The following SIPA1L1 variants were observed in gnomAD, a reference collection of about 807,000 sequenced individuals.
SIPA1L1 encodes signal-induced proliferation-associated 1-like protein 1.
In SIPA1L1, 26 loss-of-function variants were observed where a neutral mutation model predicts 162.7. The observed-to-expected ratio is 0.16, with a 90% CI of 0.12 to 0.22. SIPA1L1 has a LOEUF of 0.22. SIPA1L1 is among the 10% of genes least tolerant of loss of function. SIPA1L1 has a pLI of 1.00. For synonymous variants in SIPA1L1, 829 were observed against 837.4 expected, an observed-to-expected ratio of 0.99 and a Z score of 0.17; for missense variants, 1,874 against 2,241.0, an observed-to-expected ratio of 0.84 and a Z score of 3.31.
At chr14:71,602,900 C>G (rs974792447) in intron 5 of SIPA1L1, among the ~76,000 whole-genome samples, 5 of 152,248 alleles carry the variant, frequency 3.3e-5, no homozygotes, top group African/African-American at 1.2e-4. Context: ...CTGTCCCCAC[C>G]ATCCATGGAA....
In SIPA1L1 at chr14:71,587,954, A is replaced by G; in HGVS notation, c.82A>G (p.Lys28Glu). Reference protein sequence around the residue: ...ASVVGTDGTPKVHTDDFYMRR... With the variant: ...ASVVGTDGTPEVHTDDFYMRR... ...TGTTGTTGGCACAGACGGCACCCCC[A>G]AAGTCCACACTGATGATTTCTACAT... The change falls in exon 5 of 24, where the codon AAA (lysine) becomes GAA (glutamate). Residue 28 changes from lysine to glutamate, a missense_variant. Around this residue, in one of 5 missense-constraint regions of SIPA1L1, gnomAD observed 685 missense variants for 828.0 expected, o/e 0.83. Transcript: ENST00000381232. The G allele has an allele frequency of 6.2e-7, 1 of 1,613,858 alleles. No individual in the cohort carries two copies. Among genetic ancestry groups the G allele is most frequent in the South Asian group, 1.1e-5 (1 of 91,064 alleles).
At chr14:71,570,816 T>G (rs2031838506) in intron 4 of SIPA1L1, among the ~76,000 whole-genome samples, 1 of 152,218 alleles carries the variant, frequency 6.6e-6, no homozygotes, top group African/African-American at 2.4e-5. Flanking sequence ...AGATGGAGTC[T>G]CGCTCTATCA....
intron 10 of SIPA1L1, among the ~76,000 whole-genome samples, chr14:71,667,627 C>A (rs1177009582): frequency 6.6e-6 from 1 of 152,224 alleles, no homozygotes; most frequent in Non-Finnish European, 1.5e-5. Flanking sequence ...GAAGAGGAAA[C>A]TTCCTTCTCC....
At chr14:71,347,189 G>C (rs995375356) in intron 2 of SIPA1L1, among the ~76,000 whole-genome samples, 1 of 151,502 alleles carries the variant, frequency 6.6e-6, no homozygotes, top group African/African-American at 2.4e-5. Flanking sequence ...TTGAACTCCT[G>C]ACCTCAAGTG....
chr14:71,688,611 C>A (rs151119052), intron 13 of SIPA1L1, among the ~76,000 whole-genome samples: 391 of 152,158 alleles, frequency 2.6e-3, no homozygotes, highest in Non-Finnish European at 4.0e-3. Context: ...GAACAAATAC[C>A]TTATTGAGAT....
At chr14:71,416,095 G>T (rs1213587902) in intron 2 of SIPA1L1, 2 of 151,936 alleles carry the variant, frequency 1.3e-5, no homozygotes, top group East Asian at 3.8e-4. Context: ...GTGAGGCCAG[G>T]CACTTGTTTA....
chr14:71,594,404 G>C (rs995945589), intron 5 of SIPA1L1, among the ~76,000 whole-genome samples: 4 of 152,134 alleles, frequency 2.6e-5, no homozygotes, highest in Admixed American at 1.3e-4. Flanking sequence ...TTCTAAAATT[G>C]TGTGCTTATT....
At position 71,723,899 on chromosome 14, in the gene SIPA1L1, TTC is replaced by T. The variant is rs1480144478; in HGVS notation, c.4448+14_4448+15del. ...TGGACACGAGAAAGTAAGAGTTACT[TTC>T]CTTCCCTTGCTGGTGGCTTGCTTTT... is the stretch of plus-strand genomic sequence containing the variant. On this transcript the variant is annotated intron_variant, in intron 18 of 23. Coordinates refer to ENST00000381232, the MANE Select transcript of SIPA1L1 (RefSeq NM_001386936.1). The T allele has an allele frequency of 6.2e-7, 1 of 1,613,552 alleles. No individual in the cohort carries two copies. Among genetic ancestry groups the T allele is most frequent in the Non-Finnish European group, 8.5e-7 (1 of 1,179,728 alleles).
intron 2 of SIPA1L1, among the ~76,000 whole-genome samples, chr14:71,438,842 A>T (rs2044614734): frequency 6.6e-6 from 1 of 152,170 alleles, no homozygotes; most frequent in Non-Finnish European, 1.5e-5. Context: ...TTCTGCCTGC[A>T]GCTTACTTGC....
At chr14:71,700,583 G>A (rs946481958) in intron 14 of SIPA1L1, among the ~76,000 whole-genome samples, 117 of 152,196 alleles carry the variant, frequency 7.7e-4, no homozygotes, top group African/African-American at 2.7e-3. Context: ...CATAAATCAA[G>A]GTTTTTATTT....
chr14:71,617,499 TG>T (rs776430509), intron 5 of SIPA1L1, among the ~76,000 whole-genome samples: 10 of 152,350 alleles, frequency 6.6e-5, no homozygotes, highest in Non-Finnish European at 1.0e-4. Context: ...TTTCTTCTTT[TG>T]AATTTCCATG....
chr14:71,467,013 C>G (rs985657325), intron 2 of SIPA1L1, among the ~76,000 whole-genome samples: 1 of 152,170 alleles, frequency 6.6e-6, no homozygotes, highest in East Asian at 1.9e-4. Flanking sequence ...ACTATTTTAT[C>G]TCATAACTCA....
intron 2 of SIPA1L1, among the ~76,000 whole-genome samples, chr14:71,399,893 G>A (rs538616773): frequency 1.2e-4 from 19 of 152,058 alleles, no homozygotes; most frequent in African/African-American, 4.6e-4. Flanking sequence ...GCTGATTTTT[G>A]TATTTTTAGT....
chr14:71,733,729 C>T lies in SIPA1L1; in HGVS notation c.4925C>T (p.Pro1642Leu). Residue 1642 changes from proline to leucine, a missense_variant, in exon 21 of 24, where the codon CCC becomes CTC. Around this residue, in one of 5 missense-constraint regions of SIPA1L1, gnomAD observed 936 missense variants for 1,051.9 expected, o/e 0.89. Transcript: ENST00000381232. ...DIQETRRQPM[P>L]DPGLMPLPDT... is the part of the protein sequence containing the mutation. ...CAGGAGACCCGCAGGCAGCCTATGC[C>T]CGACCCTGGCCTGATGCCCCTGCCT... The T allele has an allele frequency of 1.2e-6, 2 of 1,613,880 alleles. No homozygotes were observed. Among genetic ancestry groups the T allele is most frequent in the Middle Eastern group, 1.7e-4 (1 of 5,844 alleles).
At chr14:71,564,568 C>T (rs772313179) in intron 4 of SIPA1L1, among the ~76,000 whole-genome samples, 1 of 146,960 alleles carries the variant, frequency 6.8e-6, no homozygotes, top group Non-Finnish European at 1.5e-5. Flanking sequence ...TCACTGCAAC[C>T]TCTGCCTCCC....
chr14:71,532,442 T>C (rs981585540), intron 4 of SIPA1L1, among the ~76,000 whole-genome samples: 2 of 152,184 alleles, frequency 1.3e-5, no homozygotes, highest in African/African-American at 4.8e-5. Context: ...AAAACTTGGC[T>C]TGTTTTTGTA....
At chr14:71,652,512 C>G (rs2042708985) in intron 8 of SIPA1L1, among the ~76,000 whole-genome samples, 1 of 152,138 alleles carries the variant, frequency 6.6e-6, no homozygotes, top group Non-Finnish European at 1.5e-5. Flanking sequence ...AATTAAAGTA[C>G]TATCTGCTGT....
intron 2 of SIPA1L1, among the ~76,000 whole-genome samples, chr14:71,350,706 G>A (rs1269366324): frequency 6.6e-6 from 1 of 152,114 alleles, no homozygotes; most frequent in Non-Finnish European, 1.5e-5. Context: ...TCCCCCAGAG[G>A]GACTTAGGAG....
At chr14:71,326,555 T>A (rs945805779) in intron 2 of SIPA1L1, among the ~76,000 whole-genome samples, 2 of 151,988 alleles carry the variant, frequency 1.3e-5, no homozygotes, top group Non-Finnish European at 2.9e-5. Flanking sequence ...AGAAAGAAGC[T>A]ATTGAGAAAG....
Sources: gnomAD v4.1 joint callset for allele counts (sites outside exome capture counted in the v4.1 genomes callset) on GRCh38, gnomAD v4.1.1 for gene constraint, gnomAD v4.1.1 regional missense constraint, MANE v1.5 for transcripts, NCBI Gene and HGNC (gene_info 2026-07-23, HGNC 2026-07-21) for gene names.